The following KIAA2012 variants were observed in gnomAD, a reference collection of about 807,000 sequenced individuals.
The protein encoded by KIAA2012 is uncharacterized protein KIAA2012.
KIAA2012 carries 125 observed loss-of-function variants against 150.6 expected under a neutral mutation model. That is an observed-to-expected ratio of 0.83 (90% CI 0.72 to 0.96). The LOEUF is 0.96. KIAA2012 is among the 40% of genes least tolerant of loss of function. The pLI is 0.00. For missense variants in KIAA2012, 1,219 were observed against 1,354.9 expected, an observed-to-expected ratio of 0.90 and a Z score of 1.57; for synonymous variants, 462 against 504.7, an observed-to-expected ratio of 0.92 and a Z score of 1.13.
chr2:202,148,875 G>A (rs970367273), intron 13 of KIAA2012, among the ~76,000 whole-genome samples: 2 of 152,122 alleles, frequency 1.3e-5, no homozygotes, highest in African/African-American at 2.4e-5. Flanking sequence ...TACAACGCCC[G>A]GCCCATTCGG....
chr2:202,190,202 A>C lies in KIAA2012; in HGVS notation c.2520A>C (p.Lys840Asn). 1 of 1,521,168 alleles carries C rather than the reference A, an allele frequency of 6.6e-7. No individual in the cohort carries two copies. The highest frequency in any genetic ancestry group is 2.4e-5 in the Admixed American group (1 of 41,538). 94.2% of individuals were successfully genotyped at this position (1,521,168 alleles called of 1,614,324 possible). A position where few individuals can be genotyped will look rare whatever the true frequency, so the allele number is the denominator to read the frequency against. ...IGKSKDSKAK[K>N]KLEKKTRPQR... ...AGTCAAAGGACTCAAAGGCTAAAAA[A>C]AAATTAGAAAAAAAAACAAGACCCC... Residue 840 changes from lysine to asparagine, a missense_variant, in exon 19 of 24, where the codon AAA becomes AAC. Coordinates refer to ENST00000498697, the MANE Select transcript of KIAA2012 (RefSeq NM_001277372.4).
In KIAA2012 at chr2:202,103,096, G is replaced by C. The variant is rs1339149976; in HGVS notation, c.1306G>C (p.Glu436Gln). The change falls in exon 8 of 24, where the codon GAG (glutamate) becomes CAG (glutamine). Residue 436 changes from glutamate to glutamine, a missense_variant. Transcript: ENST00000498697. ...IHYHTKQPPK[E>Q]KAHRRGAPHP... is the part of the protein sequence containing the mutation. ...TTACCACACCAAACAACCCCCAAAA[G>C]AGAAAGCCCACAGAAGAGGTAGGTC... The C allele has an allele frequency of 1.9e-6, 3 of 1,550,462 alleles. No individual in the cohort carries two copies. Among genetic ancestry groups the C allele is most frequent in the African/African-American group, 1.4e-5 (1 of 73,032 alleles).
intron 13 of KIAA2012, among the ~76,000 whole-genome samples, chr2:202,147,915 C>T (rs547478690): frequency 6.6e-5 from 10 of 152,240 alleles, no homozygotes; most frequent in Middle Eastern, 3.4e-3. Context: ...GGCACAGTTC[C>T]GGCCTGAATA....
intron 7 of KIAA2012, 67 bp from the exon 8 acceptor site, chr2:202,102,879 G>T: frequency 1.4e-6 from 2 of 1,394,046 alleles, no homozygotes; most frequent in Non-Finnish European, 2.0e-6. Flanking sequence ...AGACAGTATC[G>T]TTTGCCCCTG....
intron 15 of KIAA2012, among the ~76,000 whole-genome samples, chr2:202,165,794 C>G (rs1691745662): frequency 6.6e-6 from 1 of 152,162 alleles, no homozygotes; most frequent in Non-Finnish European, 1.5e-5. Context: ...CTGTTTATAT[C>G]TTTTACCATG....
chr2:202,080,290 T>C (rs982874711), intron 2 of KIAA2012, among the ~76,000 whole-genome samples: 1 of 152,248 alleles, frequency 6.6e-6, no homozygotes, highest in Admixed American at 6.5e-5. Context: ...ATTTGGATGA[T>C]AAGTAGCATT....
chr2:202,132,692 G>GTATGTGTATATATATATGTATA (rs1690964041), intron 12 of KIAA2012, among the ~76,000 whole-genome samples: 3 of 60,050 alleles, frequency 5.0e-5, no homozygotes, highest in East Asian at 6.0e-4. Context: ...ATATATATAT[G>GTATGTGTATATATATATGTATA]TATGTATATA....
chr2:202,098,396 C>T (rs951063759), intron 5 of KIAA2012, among the ~76,000 whole-genome samples: 1 of 152,154 alleles, frequency 6.6e-6, no homozygotes, highest in African/African-American at 2.4e-5. Context: ...TAGGCAAATA[C>T]ACTGGGGAAG....
chr2:202,190,724 C>T (rs548875163), intron 19 of KIAA2012, among the ~76,000 whole-genome samples: 2 of 152,242 alleles, frequency 1.3e-5, no homozygotes, highest in South Asian at 2.1e-4. Flanking sequence ...TGTGAGGCCC[C>T]CACATTGCCA....
intron 2 of KIAA2012, among the ~76,000 whole-genome samples, chr2:202,082,410 A>G (rs1689470291): frequency 6.6e-6 from 1 of 151,992 alleles, no homozygotes. Context: ...CCAGATACAA[A>G]TTTACAAATA....
Position 202,098,789 on chromosome 2 carries a change from CGTGTGTGT to C in KIAA2012, c.829-800_829-793del, listed in dbSNP as rs10536026. 1.1e-3 allele frequency among the ~76,000 whole-genome samples: 167 copies of C among 148,514 alleles called. 2 individuals are homozygous for C. The highest frequency in any genetic ancestry group is 2.2e-3 in the East Asian group (11 of 4,998). ...AGAAACACTTTCTAAACTCTAAGGC[CGTGTGTGT>C]GTGTGTGTGTGTGTGTGTGTGTGCA... On this transcript the variant is annotated intron_variant, in intron 5 of 23. Coordinates refer to ENST00000498697, the MANE Select transcript of KIAA2012 (RefSeq NM_001277372.4).
intron 21 of KIAA2012, among the ~76,000 whole-genome samples, chr2:202,194,792 C>T (rs1383057223): frequency 2.0e-5 from 3 of 151,714 alleles, no homozygotes; most frequent in African/African-American, 4.8e-5. Context: ...TTTTTGAGTC[C>T]GAGTCTCACA....
chr2:202,133,130 A>ATATATATATATATATTTTTTTTTTTTTT (rs1279080237), intron 12 of KIAA2012, among the ~76,000 whole-genome samples: 6 of 67,766 alleles, frequency 8.9e-5, no homozygotes, highest in South Asian at 5.4e-4. Flanking sequence ...ATATATATAT[A>ATATATATATATATATTTTTTTTTTTTTT]TTTTTTTTTT....
chr2:202,091,097 G>A (rs1568534), intron 3 of KIAA2012, among the ~76,000 whole-genome samples, 168 bp downstream of exon 3: 59,622 of 152,056 alleles, frequency 0.39, 12,310 homozygotes, highest in South Asian at 0.57. Flanking sequence ...CACGGCTCCC[G>A]TCCTTTGTCC....
At chr2:202,185,449 G>T (rs1200067129) in intron 16 of KIAA2012, among the ~76,000 whole-genome samples, 3 of 152,134 alleles carry the variant, frequency 2.0e-5, no homozygotes, top group African/African-American at 7.2e-5. Context: ...CCTGCCCAGG[G>T]ATGTAAGGAT....
rs1690429892 is a variant in KIAA2012 at position 202,113,395 on chromosome 2, T to G, written c.1711T>G (p.Cys571Gly). Residue 571 changes from cysteine to glycine, a missense_variant, in exon 11 of 24, where the codon TGC (cysteine) becomes GGC (glycine). Transcript: ENST00000498697. ...FLLGPDGEKVCLSLPGHTQTE... is the reference protein window; with the variant it reads ...FLLGPDGEKVGLSLPGHTQTE... ...GCTGGGTCCAGATGGAGAAAAAGTCTGCCTGTCCCTCCCAGGGCATACCCA... is the reference window on the plus strand; with the variant it reads ...GCTGGGTCCAGATGGAGAAAAAGTCGGCCTGTCCCTCCCAGGGCATACCCA... The G allele has an allele frequency of 6.4e-7, 1 of 1,550,478 alleles. No homozygotes were observed. The highest frequency in any genetic ancestry group is 8.7e-7 in the Non-Finnish European group (1 of 1,147,012).
At chr2:202,125,910 G>A in intron 12 of KIAA2012, 1 of 402,758 alleles carries the variant, frequency 2.5e-6, no homozygotes, top group Admixed American at 3.0e-5. Flanking sequence ...GATTAACAGA[G>A]AAATGTGAGT....
chr2:202,193,163 A>C, intron 19 of KIAA2012, 138 bp from the exon 20 acceptor site: 1 of 792,650 alleles, frequency 1.3e-6, no homozygotes. Flanking sequence ...GGCTGAGTCT[A>C]TGCAGCTGTG....
Position 202,193,355 on chromosome 2 carries a change from G to C in KIAA2012, c.2866G>C (p.Glu956Gln), listed in dbSNP as rs1475564863. Reference sequence around the variant, plus strand: ...GGCTTCCTGGGACAGGCTTCGAGCAGAAAGAGCCGAGATGAGGTGGCTGGA... The same window carrying C: ...GGCTTCCTGGGACAGGCTTCGAGCACAAAGAGCCGAGATGAGGTGGCTGGA... Reference protein sequence around the residue: ...EKASWDRLRAERAEMRWLEVE... With the variant: ...EKASWDRLRAQRAEMRWLEVE... The change falls in exon 20 of 24, where the codon GAA (glutamate) becomes CAA (glutamine). Residue 956 changes from glutamate to glutamine, a missense_variant. Transcript: ENST00000498697. 1.3e-6 allele frequency: 2 copies of C among 1,550,244 alleles called. No homozygotes were observed. The highest frequency in any genetic ancestry group is 2.0e-5 in the Admixed American group (1 of 50,984).
Sources: allele counts gnomAD v4.1 joint callset (sites outside exome capture counted in the v4.1 genomes callset), GRCh38; gene constraint gnomAD v4.1.1; transcripts MANE v1.5; gene names NCBI Gene and HGNC (gene_info 2026-07-23, HGNC 2026-07-21).